The following GNAQ variants were observed in gnomAD, a reference collection of about 807,000 sequenced individuals.
GNAQ encodes guanine nucleotide-binding protein G(q) subunit alpha.
Under a neutral mutation model 43.9 loss-of-function variants are expected in GNAQ, and 8 were observed. The observed-to-expected ratio is 0.18, with a 90% CI of 0.11 to 0.33. GNAQ has a LOEUF of 0.33. Ranked by LOEUF, GNAQ falls within the 10% of genes least tolerant of loss-of-function variation. The pLI, the probability that GNAQ is intolerant of heterozygous loss-of-function variation, is 1.00. For synonymous variants in GNAQ, 155 were observed against 170.7 expected (o/e 0.91, Z 0.71); for missense variants, 158 against 450.8 (o/e 0.35, Z 5.88).
intron 5 of GNAQ, among the ~76,000 whole-genome samples, chr9:77,773,351 A>G (rs1826256301): frequency 6.6e-6 from 1 of 152,238 alleles, no homozygotes; most frequent in Non-Finnish European, 1.5e-5. Context: ...CAACAGTAAT[A>G]ACAGTACCTT....
chr9:77,815,767 G>A lies in GNAQ; in HGVS notation c.325C>T (p.His109Tyr). ...IPYKYEHNKA[H>Y]AQLVREVDVE... ...TCAACTTCTCGAACTAATTGTGCAT[G>A]AGCCTGTTTAAATAAAAAAAGGCAG... The change falls in exon 3 of 7, where the codon CAT (histidine) becomes TAT (tyrosine). Residue 109 changes from histidine to tyrosine, a missense_variant. Coordinates refer to ENST00000286548, the MANE Select transcript of GNAQ (RefSeq NM_002072.5). 1 of 1,606,632 alleles carries A rather than the reference G, an allele frequency of 6.2e-7. No individual in the cohort carries two copies. The highest frequency in any genetic ancestry group is 2.2e-5 in the East Asian group (1 of 44,750).
At chr9:77,909,298 C>T (rs760727607) in intron 2 of GNAQ, among the ~76,000 whole-genome samples, 10 of 152,216 alleles carry the variant, frequency 6.6e-5, no homozygotes, top group East Asian at 1.9e-4. Flanking sequence ...CAAACAGCTA[C>T]ATGATCTCAT....
At chr9:77,921,653 T>C (rs1828998454) in intron 2 of GNAQ, among the ~76,000 whole-genome samples, 1 of 152,234 alleles carries the variant, frequency 6.6e-6, no homozygotes, top group South Asian at 2.1e-4. Flanking sequence ...GAAAGGTTAT[T>C]GGAAGTGACA....
intron 2 of GNAQ, among the ~76,000 whole-genome samples, chr9:77,904,172 T>C (rs1470784578): frequency 1.3e-5 from 2 of 152,154 alleles, no homozygotes; most frequent in South Asian, 2.1e-4. Context: ...CTGCATCTAC[T>C]TGGATGATAA....
chr9:77,882,099 C>T (rs1245529603), intron 2 of GNAQ, among the ~76,000 whole-genome samples: 1 of 152,158 alleles, frequency 6.6e-6, no homozygotes, highest in Non-Finnish European at 1.5e-5. Context: ...GATCGAGCCA[C>T]TGCACTCCAG....
At chr9:77,904,317 C>CTGTTTTTT (rs1828666611) in intron 2 of GNAQ, among the ~76,000 whole-genome samples, 1 of 77,430 alleles carries the variant, frequency 1.3e-5, no homozygotes, top group African/African-American at 5.7e-5. Flanking sequence ...TTCACACCGG[C>CTGTTTTTT]TTTTTTTTTT....
intron 2 of GNAQ, among the ~76,000 whole-genome samples, chr9:77,843,876 T>C (rs1156996669): frequency 1.3e-5 from 2 of 152,170 alleles, no homozygotes; most frequent in Admixed American, 6.5e-5. Context: ...AGGACCTTAA[T>C]TGAGGGCCTG....
At chr9:77,933,463 G>A (rs1182089059) in intron 1 of GNAQ, among the ~76,000 whole-genome samples, 1 of 152,080 alleles carries the variant, frequency 6.6e-6, no homozygotes, top group African/African-American at 2.4e-5. Flanking sequence ...ACCAGCCCAT[G>A]TTGAAACCCC....
chr9:77,951,433 G>C (rs989490972), intron 1 of GNAQ, among the ~76,000 whole-genome samples: 1 of 152,084 alleles, frequency 6.6e-6, no homozygotes. Context: ...TATTGCTAAA[G>C]ATATGTTTGG....
intron 1 of GNAQ, among the ~76,000 whole-genome samples, chr9:78,000,195 AT>A (rs1321912165): frequency 1.3e-5 from 2 of 152,030 alleles, no homozygotes; most frequent in Admixed American, 6.6e-5. Context: ...CAAAAATTCA[AT>A]TTTTTTTCCT....
intron 1 of GNAQ, among the ~76,000 whole-genome samples, chr9:77,979,207 T>C (rs2118488416): frequency 6.6e-6 from 1 of 152,010 alleles, no homozygotes; most frequent in East Asian, 1.9e-4. Context: ...AATCCAAAAA[T>C]TAACCAGGTA....
intron 2 of GNAQ, among the ~76,000 whole-genome samples, chr9:77,875,551 G>A (rs977186051): frequency 3.3e-5 from 5 of 152,126 alleles, no homozygotes; most frequent in Admixed American, 2.6e-4. Context: ...TCTCAGGAAT[G>A]GGAAAAACAC....
chr9:77,789,834 T>G (rs937944001), intron 5 of GNAQ, among the ~76,000 whole-genome samples: 2 of 152,204 alleles, frequency 1.3e-5, no homozygotes, highest in Non-Finnish European at 2.9e-5. Flanking sequence ...TGCTTCCCTA[T>G]ACCCGGATCA....
intron 5 of GNAQ, among the ~76,000 whole-genome samples, chr9:77,790,925 AAAGTGCT>A (rs994533032): frequency 2.1e-4 from 32 of 152,338 alleles, no homozygotes; most frequent in African/African-American, 7.7e-4. Context: ...TTTTGGGTAT[AAAGTGCT>A]AAGGTATTAT....
At chr9:77,755,528 A>G (rs1347214392) in intron 5 of GNAQ, among the ~76,000 whole-genome samples, 1 of 152,170 alleles carries the variant, frequency 6.6e-6, no homozygotes, top group Non-Finnish European at 1.5e-5. Flanking sequence ...CTTCAAGGAC[A>G]TATGTCATGA....
chr9:77,762,881 A>T, intron 5 of GNAQ, among the ~76,000 whole-genome samples: 1 of 152,012 alleles, frequency 6.6e-6, no homozygotes, highest in African/African-American at 2.4e-5. Context: ...GTGCTTTGTT[A>T]AACAGATGCT....
chr9:77,881,060 T>C (rs914285465), intron 2 of GNAQ, among the ~76,000 whole-genome samples: 19 of 152,228 alleles, frequency 1.2e-4, no homozygotes, highest in Admixed American at 2.0e-4. Flanking sequence ...TTGGCCCAAA[T>C]GCTAGTATCT....
intron 1 of GNAQ, among the ~76,000 whole-genome samples, chr9:77,988,619 A>T (rs1320805327): frequency 6.6e-6 from 1 of 152,192 alleles, no homozygotes. Context: ...TAAAATAAAC[A>T]TATGATTAAC....
intron 6 of GNAQ, among the ~76,000 whole-genome samples, chr9:77,723,369 G>A (rs1278007538): frequency 6.6e-6 from 1 of 152,166 alleles, no homozygotes; most frequent in South Asian, 2.1e-4. Flanking sequence ...CCATATGACC[G>A]ACCCTGCTAG....
Sources: gnomAD v4.1 joint callset for allele counts (sites outside exome capture counted in the v4.1 genomes callset) on GRCh38, gnomAD v4.1.1 for gene constraint, MANE v1.5 for transcripts, NCBI Gene and HGNC (gene_info 2026-07-23, HGNC 2026-07-21) for gene names.